RSBN1L: variants seen among roughly 807,000 people sequenced by gnomAD.
RSBN1L encodes lysine-specific demethylase RSBN1L.
Under a neutral mutation model 67.7 loss-of-function variants are expected in RSBN1L, and 30 were observed. That is an observed-to-expected ratio of 0.44 (90% CI 0.33 to 0.60). The LOEUF is 0.60. Ranked by LOEUF, RSBN1L falls within the 20% of genes least tolerant of loss-of-function variation. RSBN1L has a pLI of 0.02. For synonymous variants in RSBN1L, 433 were observed against 387.0 expected (o/e 1.12, Z -1.39); for missense variants, 992 against 1,031.7 (o/e 0.96, Z 0.53).
At chr7:77,709,279 G>A (rs992762812) in intron 1 of RSBN1L, among the ~76,000 whole-genome samples, 1 of 151,772 alleles carries the variant, frequency 6.6e-6, no homozygotes, top group African/African-American at 2.4e-5. Context: ...GCAGATAGCA[G>A]TAGTTATTTT....
At chr7:77,766,501 A>C (rs373412857) in intron 4 of RSBN1L, among the ~76,000 whole-genome samples, 1 of 151,636 alleles carries the variant, frequency 6.6e-6, no homozygotes, top group Non-Finnish European at 1.5e-5. Flanking sequence ...GCCCCTTTAA[A>C]TAGTTTGTAG....
intron 1 of RSBN1L, among the ~76,000 whole-genome samples, chr7:77,733,164 T>G (rs1689108685): frequency 6.6e-6 from 1 of 152,078 alleles, no homozygotes; most frequent in African/African-American, 2.4e-5. Flanking sequence ...GACTGGATTT[T>G]GAAAAAGGAT....
intron 3 of RSBN1L, among the ~76,000 whole-genome samples, chr7:77,760,664 A>G (rs117775485): frequency 0.019 from 2,825 of 152,132 alleles, 39 homozygotes; most frequent in Middle Eastern, 0.072. Context: ...ACTGAGTTTC[A>G]CTTTTATCAC....
intron 1 of RSBN1L, among the ~76,000 whole-genome samples, chr7:77,698,505 T>TATTA (rs1381749045): frequency 6.6e-6 from 1 of 152,154 alleles, no homozygotes; most frequent in Non-Finnish European, 1.5e-5. Context: ...TGAATATGAG[T>TATTA]ATTACATAGT....
chr7:77,719,773 AT>A (rs1039142496), intron 1 of RSBN1L, among the ~76,000 whole-genome samples: 3 of 152,072 alleles, frequency 2.0e-5, no homozygotes, highest in Admixed American at 6.5e-5. Context: ...ATTTAAAAAA[AT>A]TTTTTTTAGA....
In RSBN1L at chr7:77,778,903, CTG is replaced by C. The variant is rs1791955042; in HGVS notation, c.2278_2279del (p.Val760LysfsTer10). 6.2e-7 allele frequency: 1 copy of C among 1,613,790 alleles called. No individual in the cohort carries two copies. Among genetic ancestry groups the C allele is most frequent in the African/African-American group, 1.3e-5 (1 of 74,904 alleles). On this transcript the variant is annotated frameshift_variant, in exon 8 of 8. Transcript: ENST00000334955. LOFTEE classifies it high-confidence loss of function. Reference sequence around the variant, plus strand: ...CAGATTAAACATGAACCTATTGCATCTGTAAGAATCAAGGAAGAACCTGTGAA... The same window carrying C: ...CAGATTAAACATGAACCTATTGCATCTAAGAATCAAGGAAGAACCTGTGAA...
chr7:77,747,270 C>A (rs569699780), intron 2 of RSBN1L, among the ~76,000 whole-genome samples: 29 of 152,328 alleles, frequency 1.9e-4, no homozygotes, highest in Non-Finnish European at 4.0e-4. Flanking sequence ...GTGTAAATAA[C>A]TGCAGAAATT....
Position 77,750,084 on chromosome 7 carries a change from A to G in RSBN1L, c.1344+20A>G. On this transcript the variant is annotated intron_variant, in intron 3 of 7. Coordinates refer to ENST00000334955, the MANE Select transcript of RSBN1L (RefSeq NM_198467.3). ...GCTCAGGTAAGAGGTTTTTAGTTTT[A>G]TAAAATAACTTTTAATTATATATTT... 1 of 1,424,054 alleles carries G rather than the reference A, an allele frequency of 7.0e-7. No homozygotes were observed. The highest frequency in any genetic ancestry group is 9.3e-7 in the Non-Finnish European group (1 of 1,071,796). 88.2% of individuals were successfully genotyped at this position (1,424,054 alleles called of 1,614,324 possible).
chr7:77,701,151 C>CAA (rs1221326900), intron 1 of RSBN1L, among the ~76,000 whole-genome samples: 14 of 88,624 alleles, frequency 1.6e-4, no homozygotes, highest in Middle Eastern at 5.6e-3. Context: ...GACTCTGGCT[C>CAA]AAAAAAAAAA....
chr7:77,778,459 CACTT>C lies in RSBN1L; in HGVS notation c.1902+17_1902+20del, dbSNP rs1160703945. 5 of 1,597,334 alleles carry C rather than the reference CACTT, an allele frequency of 3.1e-6. No individual in the cohort carries two copies. The highest frequency in any genetic ancestry group is 4.3e-6 in the Non-Finnish European group (5 of 1,171,330). ...TCCACTGTCCCAGGTATTTTTAATA[CACTT>C]ACTGTCTTTGGTTTAGTTTTTATTA... On this transcript the variant is annotated intron_variant, in intron 7 of 7. Coordinates refer to ENST00000334955, the MANE Select transcript of RSBN1L (RefSeq NM_198467.3).
chr7:77,775,043 T>C (rs1003798415), intron 6 of RSBN1L, among the ~76,000 whole-genome samples: 2 of 152,184 alleles, frequency 1.3e-5, no homozygotes, highest in African/African-American at 4.8e-5. Flanking sequence ...TATTTATTTT[T>C]ACATTCTGTT....
chr7:77,761,935 T>C (rs1791701556), intron 3 of RSBN1L, among the ~76,000 whole-genome samples: 1 of 152,154 alleles, frequency 6.6e-6, no homozygotes, highest in South Asian at 2.1e-4. Context: ...ATCTTTACTG[T>C]TGGAGAATAA....
intron 1 of RSBN1L, among the ~76,000 whole-genome samples, chr7:77,722,752 G>A (rs1219724615): frequency 6.6e-6 from 1 of 151,760 alleles, no homozygotes; most frequent in Non-Finnish European, 1.5e-5. Context: ...ATTCCTGGAA[G>A]GAATAATGTA....
At chr7:77,760,659 G>T (rs1791686877) in intron 3 of RSBN1L, among the ~76,000 whole-genome samples, 2 of 152,030 alleles carry the variant, frequency 1.3e-5, no homozygotes, top group African/African-American at 4.8e-5. Flanking sequence ...TTGAGACTGA[G>T]TTTCACTTTT....
At chr7:77,699,127 A>G (rs1216337626) in intron 1 of RSBN1L, among the ~76,000 whole-genome samples, 2 of 152,192 alleles carry the variant, frequency 1.3e-5, no homozygotes, top group Non-Finnish European at 2.9e-5. Context: ...ATCTTAGTGA[A>G]TGGGTGACCA....
rs1242959810 is a variant in RSBN1L at position 77,773,577 on chromosome 7, A to G, written c.1793+263A>G. The stretch of plus-strand genomic sequence containing the variant: ...CAGGAGATCAAGACCAGCCTAGCCA[A>G]TATGGGGAAACCCCGTCTGTACTAA... On this transcript the variant is annotated intron_variant, in intron 6 of 7. Coordinates refer to ENST00000334955, the MANE Select transcript of RSBN1L (RefSeq NM_198467.3). 1.5e-4 allele frequency: 36 copies of G among 232,322 alleles called. 1 individual carries two copies. The Admixed American group carries it at 1.9e-3, about 12-fold the overall frequency. 14.4% of individuals were successfully genotyped at this position (232,322 alleles called of 1,614,324 possible).
chr7:77,745,528 A>G (rs991889666), intron 2 of RSBN1L, among the ~76,000 whole-genome samples: 5 of 152,188 alleles, frequency 3.3e-5, no homozygotes, highest in Non-Finnish European at 7.3e-5. Flanking sequence ...AACTTTTGTA[A>G]CATATGACTT....
chr7:77,738,003 A>G lies in RSBN1L; in HGVS notation c.703+1477A>G, dbSNP rs547391800. Among the ~76,000 whole-genome samples the G allele has an allele frequency of 9.2e-5, 14 of 151,894 alleles. No individual in the cohort carries two copies. The East Asian group carries it at 2.7e-3, about 29-fold the overall frequency. On this transcript the variant is annotated intron_variant, in intron 2 of 7. Transcript: ENST00000334955. Reference sequence around the variant, plus strand: ...ACCCCACTGTACTCCAGCCTGGGCAATAGAGTGAGATTCAGTCTCAAAAAA... The same window carrying G: ...ACCCCACTGTACTCCAGCCTGGGCAGTAGAGTGAGATTCAGTCTCAAAAAA...
intron 1 of RSBN1L, among the ~76,000 whole-genome samples, chr7:77,712,433 A>G (rs1185745933): frequency 6.6e-6 from 1 of 152,064 alleles, no homozygotes; most frequent in Non-Finnish European, 1.5e-5. Context: ...GACACGTGCC[A>G]TCATGACTGG....
Sources: gnomAD v4.1 joint callset for allele counts (sites outside exome capture counted in the v4.1 genomes callset) on GRCh38, gnomAD v4.1.1 for gene constraint, MANE v1.5 for transcripts, NCBI Gene and HGNC (gene_info 2026-07-23, HGNC 2026-07-21) for gene names.